SIRT5: variants seen among roughly 807,000 people sequenced by gnomAD.
SIRT5 encodes sirtuin 5.
A neutral mutation model predicts 40.0 loss-of-function variants in SIRT5; 26 were observed. The ratio of observed to expected loss-of-function variants is 0.65; its 90% CI spans 0.48 to 0.90. The LOEUF is 0.90. SIRT5 is among the 40% of genes least tolerant of loss of function. SIRT5 has a pLI of 0.00. For synonymous variants in SIRT5, 146 were observed against 149.1 expected (o/e 0.98, Z 0.15); for missense variants, 401 against 402.4 (o/e 1.00, Z 0.03).
intron 4 of SIRT5, 110 bp from the exon 5 acceptor site, chr6:13,591,559 C>T (rs1197187911): frequency 3.3e-6 from 3 of 912,442 alleles, no homozygotes; most frequent in East Asian, 2.8e-5. Flanking sequence ...CCAGCCTGCA[C>T]CTTCCCGACG....
Position 13,595,572 on chromosome 6 carries a change from TA to T in SIRT5, c.563+9del, listed in dbSNP as rs770601877. On this transcript the variant is annotated intron_variant, in intron 6 of 9. Transcript: ENST00000606117. Reference sequence around the variant, plus strand: ...AGCTTTATCAGGAAAAGGGTAATTATACCACACTACAGAATAAGTATAGGTT... The same window carrying T: ...AGCTTTATCAGGAAAAGGGTAATTATCCACACTACAGAATAAGTATAGGTT... 2 of 1,589,570 alleles carry T rather than the reference TA, an allele frequency of 1.3e-6. No homozygotes were observed. Among genetic ancestry groups the T allele is most frequent in the South Asian group, 2.2e-5 (2 of 90,586 alleles).
chr6:13,605,082 T>C (rs1031878425), intron 9 of SIRT5: 2 of 986,014 alleles, frequency 2.0e-6, no homozygotes, highest in South Asian at 4.7e-5. Context: ...CCTGGAGCAA[T>C]TGAGAGGACT....
chr6:13,575,624 T>C (rs984809549), intron 1 of SIRT5, among the ~76,000 whole-genome samples: 1 of 152,156 alleles, frequency 6.6e-6, no homozygotes, highest in East Asian at 1.9e-4. Flanking sequence ...GTAGAAAGAT[T>C]AAATCAAGCT....
intron 4 of SIRT5, among the ~76,000 whole-genome samples, chr6:13,590,123 A>C (rs1410196799): frequency 2.0e-5 from 3 of 152,218 alleles, no homozygotes; most frequent in African/African-American, 4.8e-5. Flanking sequence ...TCTTTTTAAA[A>C]TTAATGTTAT....
intron 2 of SIRT5, among the ~76,000 whole-genome samples, chr6:13,582,649 T>G (rs1267943936): frequency 6.6e-6 from 1 of 152,078 alleles, no homozygotes; most frequent in Non-Finnish European, 1.5e-5. Context: ...ATGCCCCTTT[T>G]TAATCACTCC....
intron 4 of SIRT5, 93 bp downstream of exon 4, chr6:13,588,557 G>A (rs1461686064): frequency 7.0e-7 from 1 of 1,427,800 alleles, no homozygotes. Flanking sequence ...GAAACCCCAG[G>A]GAAATGGTTT....
At chr6:13,577,354 G>A (rs1367174729) in intron 1 of SIRT5, among the ~76,000 whole-genome samples, 1 of 152,018 alleles carries the variant, frequency 6.6e-6, no homozygotes, top group Non-Finnish European at 1.5e-5. Context: ...CAGTGTACAG[G>A]TCTTATATCT....
chr6:13,596,875 C>G, intron 6 of SIRT5, 88 bp from the exon 7 acceptor site: 1 of 1,071,446 alleles, frequency 9.3e-7, no homozygotes, highest in South Asian at 1.4e-5. Flanking sequence ...CACATACTGC[C>G]AGGCAAATAT....
In SIRT5 at chr6:13,614,784, A is replaced by C. The variant is rs1475094227; in HGVS notation, c.*2919A>C. ...CCGAGGGCGCCGGGCACGTCTGTGC[A>C]GATTTCTTTAGAGTCCAGGTCTGTC... On this transcript the variant is annotated 3_prime_UTR_variant, in exon 10 of 10. Transcript: ENST00000606117. 6.6e-6 allele frequency: 1 copy of C among 152,366 alleles called. No individual in the cohort carries two copies. Among genetic ancestry groups the C allele is most frequent in the African/African-American group, 2.4e-5 (1 of 41,474 alleles). The allele number at this position is 152,366 out of a possible 1,614,324, so 9.4% of individuals were successfully genotyped here. A position where few individuals can be genotyped will look rare whatever the true frequency, so the allele number is the denominator to read the frequency against.
intron 9 of SIRT5, 115 bp downstream of exon 9, chr6:13,601,064 T>C (rs1762315739): frequency 4.0e-6 from 3 of 757,524 alleles, no homozygotes; most frequent in Admixed American, 3.0e-5. Flanking sequence ...GTTTGTGTTT[T>C]TTTGTTTGAT....
chr6:13,584,308 C>A, intron 3 of SIRT5, 83 bp downstream of exon 3: 1 of 1,010,870 alleles, frequency 9.9e-7, no homozygotes. Flanking sequence ...ATGTCTCTGT[C>A]AAATTAGGTA....
At chr6:13,584,624 C>T (rs1047320926) in intron 3 of SIRT5, among the ~76,000 whole-genome samples, 3 of 152,216 alleles carry the variant, frequency 2.0e-5, no homozygotes, top group Admixed American at 6.5e-5. Context: ...GCTGGGATTA[C>T]AGGCATGAGC....
In SIRT5 at chr6:13,600,899, G is replaced by A; in HGVS notation, c.807G>A (p.Val269=). 1 of 1,614,106 alleles carries A rather than the reference G, an allele frequency of 6.2e-7. No individual in the cohort carries two copies. The highest frequency in any genetic ancestry group is 8.5e-7 in the Non-Finnish European group (1 of 1,180,026). ...MFAPQVAARG[V]PVAEFNTETT... ...CCCCCCAGGTGGCTGCCAGGGGCGT[G>A]CCAGTGGCTGAATTTAACACGGAGA... Residue 269 remains valine (V), a synonymous_variant, in exon 9 of 10, where the codon GTG becomes GTA. Transcript: ENST00000606117.
At position 13,591,708 on chromosome 6, in the gene SIRT5, CGGGTGTG is replaced by C; in HGVS notation, c.292_298del (p.Val98SerfsTer22). On this transcript the variant is annotated frameshift_variant, in exon 5 of 10. Transcript: ENST00000606117. LOFTEE classifies it high-confidence loss of function. ...CCTGGCCTTTGCCCACAACCCGTCC[CGGGTGTG>C]GGAGTTCTACCACTACCGGCGGGAG... 7 of 1,606,326 alleles carry C rather than the reference CGGGTGTG, an allele frequency of 4.4e-6. No homozygotes were observed. Among genetic ancestry groups the C allele is most frequent in the Non-Finnish European group, 6.0e-6 (7 of 1,174,444 alleles).
At chr6:13,588,592 C>A in intron 4 of SIRT5, 128 bp downstream of exon 4, 1 of 1,187,172 alleles carries the variant, frequency 8.4e-7, no homozygotes, top group Non-Finnish European at 1.1e-6. Context: ...ACCCTATTGT[C>A]TCATTGATTT....
At chr6:13,611,749 C>G (rs201521494) in intron 9 of SIRT5, 41 bp from the exon 10 acceptor site, 28 of 1,460,166 alleles carry the variant, frequency 1.9e-5, no homozygotes, top group Non-Finnish European at 2.6e-5. Context: ...ATTTTGCTAA[C>G]CTGTAGTTCA....
At position 13,588,328 on chromosome 6, in the gene SIRT5, T is replaced by A; in HGVS notation, c.116-3T>A. 6.2e-7 allele frequency: 1 copy of A among 1,613,478 alleles called. No homozygotes were observed. Among genetic ancestry groups the A allele is most frequent in the Non-Finnish European group, 8.5e-7 (1 of 1,179,774 alleles). ...GGATTGATAAAGATTTCACTCTGTT[T>A]AGGTATGGCAGATTTTCGAAAGTTT... On this transcript the variant is annotated splice_region_variant and splice_polypyrimidine_tract_variant and intron_variant, in intron 3 of 9. Transcript: ENST00000606117.
intron 8 of SIRT5, among the ~76,000 whole-genome samples, chr6:13,599,762 C>G (rs1354337556): frequency 2.0e-5 from 3 of 152,212 alleles, no homozygotes; most frequent in African/African-American, 7.2e-5. Context: ...ATTGAATGGC[C>G]TGCAAAGCCT....
Position 13,615,116 on chromosome 6 carries a change from T to C in SIRT5, c.*3251T>C, listed in dbSNP as rs551520003. ...CTTCCCTGCCTTGAAATCAACCCCATTGCCAGCCGCTTTCGCCGGCAGAGC... is the reference window on the plus strand; with the variant it reads ...CTTCCCTGCCTTGAAATCAACCCCACTGCCAGCCGCTTTCGCCGGCAGAGC... On this transcript the variant is annotated 3_prime_UTR_variant, in exon 10 of 10. Coordinates refer to ENST00000606117, the MANE Select transcript of SIRT5 (RefSeq NM_012241.5). 28 of 486,206 alleles carry C rather than the reference T, an allele frequency of 5.8e-5. No homozygotes were observed. The highest frequency in any genetic ancestry group is 9.3e-5 in the Non-Finnish European group (26 of 279,162). The allele number at this position is 486,206 out of a possible 1,614,324, so 30.1% of individuals were successfully genotyped here.
Sources: gnomAD v4.1 joint callset for allele counts (sites outside exome capture counted in the v4.1 genomes callset) on GRCh38, gnomAD v4.1.1 for gene constraint, MANE v1.5 for transcripts, NCBI Gene and HGNC (gene_info 2026-07-23, HGNC 2026-07-21) for gene names.